The following LSP1 variants were observed in gnomAD, a reference collection of about 807,000 sequenced individuals.
The protein encoded by LSP1 is lymphocyte-specific protein 1.
In LSP1, 32 loss-of-function variants were observed where a neutral mutation model predicts 49.3. That is an observed-to-expected ratio of 0.65 (90% CI 0.49 to 0.87). The LOEUF is 0.87. LSP1 is among the 40% of genes least tolerant of loss of function. The pLI is 0.00. For missense variants in LSP1, 428 were observed against 442.6 expected, an observed-to-expected ratio of 0.97 and a Z score of 0.30; for synonymous variants, 179 against 178.8, an observed-to-expected ratio of 1.00 and a Z score of -0.01.
intron 1 of LSP1, among the ~76,000 whole-genome samples, chr11:1,874,711 C>G (rs1313236973): frequency 6.6e-6 from 1 of 152,146 alleles, no homozygotes; most frequent in Non-Finnish European, 1.5e-5. Context: ...GCCACTGAAC[C>G]CTGGGTAGTG....
intron 1 of LSP1, among the ~76,000 whole-genome samples, chr11:1,858,534 C>T (rs917839758): frequency 1.3e-5 from 2 of 152,166 alleles, no homozygotes; most frequent in Non-Finnish European, 2.9e-5. Flanking sequence ...GAGATGGCAG[C>T]CCAGGACCAT....
At chr11:1,860,330 T>G in intron 1 of LSP1, among the ~76,000 whole-genome samples, 1 of 151,378 alleles carries the variant, frequency 6.6e-6, no homozygotes, top group South Asian at 2.1e-4. Context: ...GAGGGATGAG[T>G]GGATGGATAG....
rs1848662051 is a variant in LSP1, at chr11:1,884,213, C to A, written c.592-67C>A. 10 of 1,576,166 alleles carry A rather than the reference C, an allele frequency of 6.3e-6. No homozygotes were observed. Among genetic ancestry groups the A allele is most frequent in the Admixed American group, 1.7e-5 (1 of 59,946 alleles). On this transcript the variant is annotated intron_variant, in intron 5 of 10. Transcript: ENST00000311604. This position sits in a 1 kb window ranked among gnomAD's most constrained non-coding sequence, Gnocchi z 4.1. ...GGGGTTGGATTAGTGGTTGGAGTAG[C>A]TGGGGAGATGGAGGGTGGGCTTTAC...
chr11:1,870,508 CCA>C, intron 1 of LSP1: 1 of 1,190,212 alleles, frequency 8.4e-7, no homozygotes, highest in Non-Finnish European at 1.1e-6. Context: ...CCCCAGAGCT[CCA>C]CAGGCAGACA....
chr11:1,866,702 G>A lies in LSP1; in HGVS notation c.54-13385G>A, dbSNP rs972976027. On this transcript the variant is annotated intron_variant, in intron 1 of 10. Coordinates refer to ENST00000311604, the MANE Select transcript of LSP1 (RefSeq NM_002339.3). ...TCCCAGGGGACGCTGCTGTCCACCA[G>A]GAGCTCTGTGGCCTGGGATTTGAGG... The A allele has an allele frequency of 1.8e-5, 28 of 1,550,434 alleles. No homozygotes were observed. In the Admixed American group the frequency reaches 3.7e-4, roughly 21 times the overall value.
intron 1 of LSP1, chr11:1,876,711 A>T: frequency 5.7e-6 from 5 of 873,494 alleles, no homozygotes; most frequent in Non-Finnish European, 6.8e-6. Context: ...ACTGGGAGGT[A>T]GAAGTGGGGG....
At chr11:1,873,317 G>A (rs1013978640) in intron 1 of LSP1, among the ~76,000 whole-genome samples, 1 of 152,134 alleles carries the variant, frequency 6.6e-6, no homozygotes, top group Non-Finnish European at 1.5e-5. Context: ...GCTCAGAGCA[G>A]GCACAGGAGC....
chr11:1,885,499 A>G (rs1311635083), intron 7 of LSP1, among the ~76,000 whole-genome samples: 1 of 152,044 alleles, frequency 6.6e-6, no homozygotes, highest in African/African-American at 2.4e-5. Flanking sequence ...ATGCCCCTCC[A>G]TCCAATAATG....
rs1192194234 is a variant in LSP1, at chr11:1,883,451, GTGA to G, written c.393_395del (p.Asp131del). The G allele has an allele frequency of 6.2e-7, 1 of 1,614,110 alleles. No individual in the cohort carries two copies. The stretch of plus-strand genomic sequence containing the variant: ...CTGCATGCCTACGAAAAGGAGGACA[GTGA>G]TGAAGTCCACCTGGAGGAGTTGAGT... On this transcript the variant is annotated inframe_deletion, in exon 4 of 11. Coordinates refer to ENST00000311604, the MANE Select transcript of LSP1 (RefSeq NM_002339.3).
intron 1 of LSP1, among the ~76,000 whole-genome samples, chr11:1,859,078 C>A (rs1002999128): frequency 1.3e-5 from 2 of 152,158 alleles, no homozygotes; most frequent in African/African-American, 2.4e-5. Flanking sequence ...GGGCCCCTGA[C>A]CTCAGTGCTT....
Position 1,884,173 on chromosome 11 carries a change from A to G in LSP1, c.592-107A>G, listed in dbSNP as rs1307912729. On this transcript the variant is annotated intron_variant, in intron 5 of 10. Coordinates refer to ENST00000311604, the MANE Select transcript of LSP1 (RefSeq NM_002339.3). This position sits in a 1 kb window ranked among gnomAD's most constrained non-coding sequence, Gnocchi z 4.1. ...ATTGCCCGGTGCTCAGCGAACCCCCATGATATAAGGGTTGGGGGTTGGATT... is the reference window on the plus strand; with the variant it reads ...ATTGCCCGGTGCTCAGCGAACCCCCGTGATATAAGGGTTGGGGGTTGGATT... 14 of 1,470,294 alleles carry G rather than the reference A, an allele frequency of 9.5e-6. No individual in the cohort carries two copies. The highest frequency in any genetic ancestry group is 9.1e-5 in the South Asian group (8 of 88,004). The allele number at this position is 1,470,294 out of a possible 1,614,324, so 91.1% of individuals were successfully genotyped here.
At chr11:1,869,752 A>G (rs868467567) in intron 1 of LSP1, 12 of 469,762 alleles carry the variant, frequency 2.6e-5, no homozygotes, top group South Asian at 1.9e-4. Flanking sequence ...GAGCTTGCCA[A>G]GGAGAGGGCG....
chr11:1,856,241 G>A (rs1051958571), intron 1 of LSP1, among the ~76,000 whole-genome samples: 8 of 152,218 alleles, frequency 5.3e-5, no homozygotes, highest in African/African-American at 1.2e-4. Context: ...CGACCAGGCC[G>A]TGTCTCCCAC....
intron 1 of LSP1, among the ~76,000 whole-genome samples, chr11:1,872,398 G>T (rs1848071728): frequency 6.9e-6 from 1 of 145,628 alleles, no homozygotes. Context: ...TTGGGACGGG[G>T]TGTGTGTGGC....
intron 2 of LSP1, 69 bp from the exon 3 acceptor site, chr11:1,881,363 G>C: frequency 1.4e-6 from 2 of 1,440,000 alleles, no homozygotes; most frequent in Non-Finnish European, 1.9e-6. Context: ...GGCGCCGTGA[G>C]GTGAGTGTGG....
chr11:1,877,653 C>T (rs1454317647), intron 1 of LSP1, among the ~76,000 whole-genome samples: 1 of 152,216 alleles, frequency 6.6e-6, no homozygotes, highest in Non-Finnish European at 1.5e-5. Context: ...GACGTGGTCC[C>T]CTTGTTCCCA....
At chr11:1,868,576 G>A in intron 1 of LSP1, 5 of 886,998 alleles carry the variant, frequency 5.6e-6, no homozygotes, top group Non-Finnish European at 6.8e-6. Flanking sequence ...GGGGCTGGGG[G>A]AAGCCAGGCC....
chr11:1,880,292 G>T (rs550150180), intron 2 of LSP1, 68 bp downstream of exon 2: 4 of 1,459,844 alleles, frequency 2.7e-6, no homozygotes, highest in Non-Finnish European at 1.8e-6. Context: ...CTGGGCAGAG[G>T]GGGAGGTCAA....
chr11:1,861,337 C>T (rs892034213), intron 1 of LSP1, among the ~76,000 whole-genome samples: 1 of 152,118 alleles, frequency 6.6e-6, no homozygotes, highest in Non-Finnish European at 1.5e-5. Context: ...TGTTTGTTCC[C>T]ACACTTGAAA....
Sources: allele counts gnomAD v4.1 joint callset (sites outside exome capture counted in the v4.1 genomes callset), GRCh38; gene constraint gnomAD v4.1.1; non-coding constraint Gnocchi (gnomAD v3.1); transcripts MANE v1.5; gene names NCBI Gene and HGNC (gene_info 2026-07-23, HGNC 2026-07-21).